ZFHX3: variants seen among roughly 807,000 people sequenced by gnomAD.
The protein encoded by ZFHX3 is zinc finger homeobox protein 3.
A neutral mutation model predicts 279.1 loss-of-function variants in ZFHX3; 42 were observed. The ratio of observed to expected loss-of-function variants is 0.15; its 90% confidence interval spans 0.12 to 0.19. The LOEUF (loss-of-function observed/expected upper bound fraction) is 0.19, where lower values mean the gene tolerates loss of function less well. ZFHX3 is among the 10% of genes least tolerant of loss of function. ZFHX3 has a pLI of 1.00. For synonymous variants in ZFHX3, 2,293 were observed against 1,957.8 expected (o/e 1.17, Z -4.52); for missense variants, 4,981 against 4,754.0 (o/e 1.05, Z -1.40).
chr16:73,864,268 T>C (rs1217451286), intron 1 of ZFHX3, among the ~76,000 whole-genome samples: 2 of 152,194 alleles, frequency 1.3e-5, no homozygotes, highest in African/African-American at 4.8e-5. Flanking sequence ...CCTATTAACG[T>C]AGTCAACGTT....
chr16:73,578,397 C>T (rs375800307), intron 2 of ZFHX3, among the ~76,000 whole-genome samples: 1 of 134,306 alleles, frequency 7.4e-6, no homozygotes, highest in Non-Finnish European at 1.6e-5. Context: ...AAAAAAAAAA[C>T]AAAGGGAAGG....
intron 1 of ZFHX3, among the ~76,000 whole-genome samples, chr16:73,792,497 A>G (rs1959856273): frequency 6.6e-6 from 1 of 152,208 alleles, no homozygotes; most frequent in Non-Finnish European, 1.5e-5. Context: ...AAGAGAGGAA[A>G]GTTTTATTAA....
intron 1 of ZFHX3, among the ~76,000 whole-genome samples, chr16:73,870,760 G>A (rs1597151716): frequency 6.6e-6 from 1 of 152,156 alleles, no homozygotes; most frequent in East Asian, 1.9e-4. Context: ...GGCAGCACCT[G>A]CTCTCCCTGT....
exon 3 of ZFHX3, chr16:73,456,145 G>C (rs1240749780): frequency 1.3e-5 from 2 of 152,074 alleles, no homozygotes; most frequent in Non-Finnish European, 2.9e-5. Context: ...GGAGTCAGGA[G>C]CCTTTCTCCT....
At chr16:73,689,456 C>A (rs559884080) in intron 1 of ZFHX3, among the ~76,000 whole-genome samples, 1 of 152,306 alleles carries the variant, frequency 6.6e-6, no homozygotes, top group African/African-American at 2.4e-5. Context: ...ATTTTCTGAT[C>A]CAGCAAGTGA....
At chr16:73,673,414 A>T (rs1220195575) in intron 2 of ZFHX3, among the ~76,000 whole-genome samples, 1 of 152,188 alleles carries the variant, frequency 6.6e-6, no homozygotes, top group East Asian at 1.9e-4. Flanking sequence ...AATCACACAC[A>T]GAGAGAAGAT....
chr16:72,864,862 T>C (rs1597324108), intron 4 of ZFHX3, among the ~76,000 whole-genome samples: 3 of 152,312 alleles, frequency 2.0e-5, no homozygotes. Flanking sequence ...CGCAATCTAA[T>C]GGAAGTGTTG....
At chr16:73,235,541 G>A (rs1232031219) in intron 5 of ZFHX3, among the ~76,000 whole-genome samples, 1 of 152,224 alleles carries the variant, frequency 6.6e-6, no homozygotes, top group East Asian at 1.9e-4. Flanking sequence ...TGGGGCTTGG[G>A]ATGAAATGGA....
chr16:73,814,393 G>A (rs147032974), intron 1 of ZFHX3, among the ~76,000 whole-genome samples: 7 of 150,984 alleles, frequency 4.6e-5, no homozygotes, highest in Non-Finnish European at 8.8e-5. Context: ...CTTTCAGATG[G>A]TGGAGATCAT....
At chr16:73,328,367 A>G (rs991710852) in intron 3 of ZFHX3, among the ~76,000 whole-genome samples, 1 of 152,350 alleles carries the variant, frequency 6.6e-6, no homozygotes, top group Admixed American at 6.5e-5. Flanking sequence ...TCAATGAAAC[A>G]TCACTCACTG....
At chr16:73,099,746 C>T (rs1165931185) in intron 7 of ZFHX3, among the ~76,000 whole-genome samples, 3 of 149,584 alleles carry the variant, frequency 2.0e-5, no homozygotes, top group Non-Finnish European at 4.4e-5. Context: ...GAGAAATGAG[C>T]TCTGTGTGTC....
At chr16:73,720,297 T>C (rs2053462016) in intron 1 of ZFHX3, among the ~76,000 whole-genome samples, 1 of 152,162 alleles carries the variant, frequency 6.6e-6, no homozygotes, top group African/African-American at 2.4e-5. Flanking sequence ...TTACACTCTT[T>C]GGCAATATAC....
chr16:73,677,539 C>T (rs1294615228), intron 2 of ZFHX3, among the ~76,000 whole-genome samples: 1 of 151,822 alleles, frequency 6.6e-6, no homozygotes, highest in East Asian at 1.9e-4. Context: ...TCCACACTAC[C>T]TTTGGCATAG....
intron 1 of ZFHX3, among the ~76,000 whole-genome samples, chr16:73,026,129 A>G (rs9935589): frequency 0.95 from 141,226 of 148,830 alleles, 67,042 homozygotes; most frequent in African/African-American, 0.98. Context: ...GGTGGATCCC[A>G]TGAGGTCAGG....
At chr16:73,230,937 T>C (rs1264192351) in intron 5 of ZFHX3, among the ~76,000 whole-genome samples, 1 of 152,120 alleles carries the variant, frequency 6.6e-6, no homozygotes, top group Non-Finnish European at 1.5e-5. Flanking sequence ...GAGGTCTCAC[T>C]CTAGATAGCT....
chr16:73,706,471 AAAAG>A (rs1033154473), intron 1 of ZFHX3, among the ~76,000 whole-genome samples: 9 of 151,998 alleles, frequency 5.9e-5, no homozygotes, highest in African/African-American at 2.2e-4. Context: ...AAAAAAAAAA[AAAAG>A]AGAAAAATCA....
At chr16:72,804,047 T>C (rs773436173) in intron 7 of ZFHX3, among the ~76,000 whole-genome samples, 14 of 152,266 alleles carry the variant, frequency 9.2e-5, no homozygotes, top group Non-Finnish European at 1.9e-4. Flanking sequence ...GTGGCTCTGA[T>C]ATATTCCTAA....
intron 3 of ZFHX3, 112 bp from the exon 4 acceptor site, chr16:72,890,074 T>A (rs1206735695): frequency 1.1e-6 from 1 of 893,216 alleles, no homozygotes; most frequent in Non-Finnish European, 1.7e-6. Context: ...AGGGGACACA[T>A]CTCCACAGCC....
chr16:73,798,851 G>A (rs1026503247), intron 1 of ZFHX3, among the ~76,000 whole-genome samples: 9 of 152,150 alleles, frequency 5.9e-5, no homozygotes, highest in Non-Finnish European at 1.2e-4. Context: ...GAGCTTGTCC[G>A]TCCCTCCTAG....
Sources: gnomAD v4.1 joint callset for allele counts (sites outside exome capture counted in the v4.1 genomes callset) on GRCh38, gnomAD v4.1.1 for gene constraint, MANE v1.5 for transcripts, NCBI Gene and HGNC (gene_info 2026-07-23, HGNC 2026-07-21) for gene names.